Variants in GLIS1 observed in about 807,000 individuals in gnomAD.
GLIS1 encodes the protein GLIS family zinc finger 1.
GLIS1 carries 24 observed loss-of-function variants against 63.8 expected under a neutral mutation model. The ratio of observed to expected loss-of-function variants is 0.38; its 90% CI spans 0.27 to 0.53. The LOEUF (loss-of-function observed/expected upper bound fraction) is 0.53, where lower values mean the gene tolerates loss of function less well. Ranked by LOEUF, GLIS1 falls within the 20% of genes least tolerant of loss-of-function variation. The probability of loss-of-function intolerance (pLI) is 0.85; values close to 1 mark genes in which losing one functional copy is unlikely to be tolerated. For synonymous variants in GLIS1, 450 were observed against 482.5 expected (o/e 0.93, Z 0.88); for missense variants, 1,036 against 1,074.1 (o/e 0.96, Z 0.50).
At position 53,635,107 on chromosome 1, in the gene GLIS1, G is replaced by T. The variant is rs745517983; in HGVS notation, c.260-34829C>A. On this transcript the variant is annotated intron_variant, in intron 2 of 10. Coordinates refer to ENST00000628545, the MANE Select transcript of GLIS1 (RefSeq NM_001367484.1). ...TCAAGAAATAACAACAGGATTGTATGCTGATAGGGATGATCCAGGAGAGGG... is the reference window on the plus strand; with the variant it reads ...TCAAGAAATAACAACAGGATTGTATTCTGATAGGGATGATCCAGGAGAGGG... 6.9e-4 allele frequency among the ~76,000 whole-genome samples: 105 copies of T among 152,144 alleles called. 2 individuals are homozygous for T. The highest frequency in any genetic ancestry group is 1.8e-4 in the Non-Finnish European group (12 of 68,000).
intron 4 of GLIS1, among the ~76,000 whole-genome samples, chr1:53,578,461 GA>G (rs1417985286): frequency 6.6e-6 from 1 of 152,076 alleles, no homozygotes; most frequent in Non-Finnish European, 1.5e-5. Context: ...TGTTAATAAT[GA>G]ACTCTCTCAT....
chr1:53,714,853 C>G (rs1322481782), intron 2 of GLIS1, among the ~76,000 whole-genome samples: 2 of 152,234 alleles, frequency 1.3e-5, no homozygotes, highest in African/African-American at 2.4e-5. Flanking sequence ...CTGGCAAGGT[C>G]CTGCTTCCCA....
At chr1:53,705,889 G>A (rs1041805173) in intron 2 of GLIS1, among the ~76,000 whole-genome samples, 2 of 152,180 alleles carry the variant, frequency 1.3e-5, no homozygotes, top group East Asian at 3.9e-4. Flanking sequence ...GAAGGCCAAG[G>A]TAATATCCCA....
chr1:53,531,538 C>A (rs1644531038), intron 4 of GLIS1, among the ~76,000 whole-genome samples: 1 of 152,178 alleles, frequency 6.6e-6, no homozygotes, highest in African/African-American at 2.4e-5. Context: ...TGAGTAATTT[C>A]TGGTGCGAGG....
At chr1:53,690,390 C>A (rs1646389587) in intron 2 of GLIS1, among the ~76,000 whole-genome samples, 1 of 152,246 alleles carries the variant, frequency 6.6e-6, no homozygotes, top group South Asian at 2.1e-4. Context: ...GCGGCTTCCA[C>A]TGGCCTCATA....
At position 53,732,469 on chromosome 1, in the gene GLIS1, C is replaced by CT. The variant is rs11288157; in HGVS notation, c.259+5336dup. Among the ~76,000 whole-genome samples the CT allele has an allele frequency of 6.1e-4, 89 of 145,936 alleles. 1 individual carries two copies. The highest frequency in any genetic ancestry group is 1.1e-3 in the South Asian group (5 of 4,604). On this transcript the variant is annotated intron_variant, in intron 2 of 10. Transcript: ENST00000628545. ...TGGACTTTGCTTCCAATGCTGAAAG[C>CT]TTTTTTTTTTTTTTCATTGTAAACT...
At chr1:53,559,388 G>A (rs1471805812) in intron 4 of GLIS1, among the ~76,000 whole-genome samples, 2 of 152,164 alleles carry the variant, frequency 1.3e-5, no homozygotes, top group Non-Finnish European at 2.9e-5. Context: ...TGGACTCTGA[G>A]ATGGAAGGAT....
At chr1:53,620,959 G>A (rs1037524616) in intron 2 of GLIS1, among the ~76,000 whole-genome samples, 9 of 152,208 alleles carry the variant, frequency 5.9e-5, no homozygotes, top group African/African-American at 2.2e-4. Context: ...GAAGCTGACT[G>A]GGCCAGTAGC....
chr1:53,658,200 G>C (rs941125), intron 2 of GLIS1, among the ~76,000 whole-genome samples: 21 of 151,856 alleles, frequency 1.4e-4, no homozygotes, highest in African/African-American at 4.6e-4. Flanking sequence ...CATCCTTCAG[G>C]GCCCAGCTAA....
chr1:53,609,264 A>ATTTTTT (rs1569912044), intron 2 of GLIS1, among the ~76,000 whole-genome samples: 1 of 94,774 alleles, frequency 1.1e-5, no homozygotes, highest in Admixed American at 1.4e-4. Context: ...TTGGGTTTAA[A>ATTTTTT]TCTTTTTTTT....
chr1:53,627,675 C>T (rs1169744268), intron 2 of GLIS1, among the ~76,000 whole-genome samples: 1 of 152,204 alleles, frequency 6.6e-6, no homozygotes. Context: ...TATTTATTAT[C>T]TTAAAGAGAT....
intron 4 of GLIS1, among the ~76,000 whole-genome samples, chr1:53,573,836 G>A (rs1050454355): frequency 2.6e-5 from 4 of 152,146 alleles, no homozygotes; most frequent in South Asian, 2.1e-4. Context: ...ACATCCCTTC[G>A]GAGTGGCTCC....
intron 7 of GLIS1, among the ~76,000 whole-genome samples, chr1:53,516,852 G>A (rs559991): frequency 0.91 from 138,105 of 152,026 alleles, 62,846 homozygotes; most frequent in East Asian, 1. Context: ...CACCACCACC[G>A]AAAAGTGCCC....
intron 2 of GLIS1, among the ~76,000 whole-genome samples, chr1:53,733,151 A>AT (rs534173508): frequency 1.3e-5 from 2 of 152,176 alleles, no homozygotes; most frequent in South Asian, 2.1e-4. Context: ...ATAAGAATAT[A>AT]TTTTTTTAAG....
intron 10 of GLIS1, among the ~76,000 whole-genome samples, chr1:53,508,147 C>T (rs746978559): frequency 4.4e-4 from 39 of 89,246 alleles, no homozygotes; most frequent in Non-Finnish European, 7.1e-4. Context: ...CATCCACATA[C>T]ACCTGGGGTA....
rs766659093 is a variant in GLIS1 at position 53,581,775 on chromosome 1, G to A, written c.1320+12333C>T. On this transcript the variant is annotated intron_variant, in intron 4 of 10. Coordinates refer to ENST00000628545, the MANE Select transcript of GLIS1 (RefSeq NM_001367484.1). ...AACTTAGCATATCTGAGGAACAGCC[G>A]GAACAGAGCAAGAGAGAGGAGTGTG... 4.6e-5 allele frequency among the ~76,000 whole-genome samples: 7 copies of A among 152,276 alleles called. No homozygotes were observed. In the East Asian group the frequency reaches 5.8e-4, roughly 13 times the overall value.
chr1:53,586,850 TA>T (rs1444902383), intron 4 of GLIS1, among the ~76,000 whole-genome samples: 1 of 152,120 alleles, frequency 6.6e-6, no homozygotes, highest in South Asian at 2.1e-4. Context: ...AGAGAACAGA[TA>T]ATCACAGGGC....
intron 4 of GLIS1, among the ~76,000 whole-genome samples, chr1:53,544,782 GTTTCTT>G (rs1372143078): frequency 6.6e-6 from 1 of 152,194 alleles, no homozygotes; most frequent in East Asian, 1.9e-4. Flanking sequence ...TCCAACACTG[GTTTCTT>G]TGTGAGGTTC....
chr1:53,534,900 G>A (rs1468458740), intron 4 of GLIS1, among the ~76,000 whole-genome samples: 1 of 152,012 alleles, frequency 6.6e-6, no homozygotes, highest in Non-Finnish European at 1.5e-5. Flanking sequence ...TGACCCGGGG[G>A]CTTCTGGCTG....
Sources: gnomAD v4.1 joint callset for allele counts (sites outside exome capture counted in the v4.1 genomes callset) on GRCh38, gnomAD v4.1.1 for gene constraint, MANE v1.5 for transcripts, NCBI Gene and HGNC (gene_info 2026-07-23, HGNC 2026-07-21) for gene names.